Variants in ATOSA observed in about 807,000 individuals in gnomAD.
ATOSA encodes the protein atos homolog A.
the ATOSA span, among the ~76,000 whole-genome samples, chr15:52,653,439 C>T: frequency 6.6e-6 from 1 of 152,056 alleles, no homozygotes; most frequent in South Asian, 2.1e-4. Flanking sequence ...ATCTGATCAC[C>T]GGTTCCATAC....
chr15:52,597,527 A>G, the ATOSA span, among the ~76,000 whole-genome samples: 2 of 152,220 alleles, frequency 1.3e-5, no homozygotes, highest in African/African-American at 4.8e-5. Context: ...ACCCCCTAAG[A>G]GTAAATACTG....
the ATOSA span, among the ~76,000 whole-genome samples, chr15:52,629,059 A>G: frequency 6.6e-6 from 1 of 152,234 alleles, no homozygotes; most frequent in Admixed American, 6.5e-5. Context: ...GAAAGCCTTC[A>G]ATCTATAAGT....
chr15:52,702,321 T>C, the ATOSA span, among the ~76,000 whole-genome samples: 1 of 152,134 alleles, frequency 6.6e-6, no homozygotes, highest in Non-Finnish European at 1.5e-5. Flanking sequence ...ATGTTCATCA[T>C]GGCACTATTC....
the ATOSA span, among the ~76,000 whole-genome samples, chr15:52,590,936 T>C: frequency 6.6e-6 from 1 of 152,244 alleles, no homozygotes; most frequent in Admixed American, 6.5e-5. Context: ...ACCTGATTTA[T>C]ACCCTTGCCA....
the ATOSA span, among the ~76,000 whole-genome samples, chr15:52,645,132 T>C: frequency 6.6e-6 from 1 of 152,200 alleles, no homozygotes. Flanking sequence ...CAGATAAGCC[T>C]AATTCATGGT....
the ATOSA span, chr15:52,611,819 C>G: frequency 2.5e-6 from 4 of 1,576,048 alleles, no homozygotes; most frequent in Non-Finnish European, 3.5e-6. Flanking sequence ...CAAAAACCCA[C>G]CTAATTTTGT....
the ATOSA span, among the ~76,000 whole-genome samples, chr15:52,588,035 G>A: frequency 6.6e-6 from 1 of 152,142 alleles, no homozygotes; most frequent in African/African-American, 2.4e-5. Flanking sequence ...AGCTAAATTA[G>A]GGTCATGTCA....
chr15:52,657,310 G>C, the ATOSA span: 1 of 152,160 alleles, frequency 6.6e-6, no homozygotes, highest in East Asian at 1.9e-4. Context: ...TGACACAGTT[G>C]TATGTGTATT....
chr15:52,588,990 T>TA, the ATOSA span, among the ~76,000 whole-genome samples: 1 of 152,192 alleles, frequency 6.6e-6, no homozygotes, highest in Non-Finnish European at 1.5e-5. Flanking sequence ...AAGGAGTGGA[T>TA]AAAGGTAAAA....
At chr15:52,670,886 A>G in the ATOSA span, among the ~76,000 whole-genome samples, 1 of 152,266 alleles carries the variant, frequency 6.6e-6, no homozygotes, top group South Asian at 2.1e-4. Flanking sequence ...CTTACAGATA[A>G]GTAAACAGGT....
At chr15:52,668,768 C>T in the ATOSA span, among the ~76,000 whole-genome samples, 1 of 152,080 alleles carries the variant, frequency 6.6e-6, no homozygotes, top group Non-Finnish European at 1.5e-5. Context: ...GACAACAAAA[C>T]TCCATGTCTA....
the ATOSA span, among the ~76,000 whole-genome samples, chr15:52,643,270 G>A: frequency 6.6e-6 from 1 of 152,028 alleles, no homozygotes; most frequent in African/African-American, 2.4e-5. Context: ...AAAAATTATA[G>A]CTAGTGACTC....
chr15:52,599,984 T>A, the ATOSA span: 1 of 484,420 alleles, frequency 2.1e-6, no homozygotes, highest in East Asian at 3.4e-5. Context: ...CTTGTGAAAA[T>A]AAAATAAAAA....
At chr15:52,709,514 C>T in the ATOSA span, among the ~76,000 whole-genome samples, 1 of 152,242 alleles carries the variant, frequency 6.6e-6, no homozygotes, top group South Asian at 2.1e-4. Context: ...GACCTTTTAA[C>T]GTAAAATGCA....
the ATOSA span, chr15:52,611,833 T>A: frequency 1.3e-6 from 2 of 1,521,754 alleles, no homozygotes; most frequent in Non-Finnish European, 1.8e-6. Context: ...ATTTTGTGTT[T>A]AAAATAGAAA....
the ATOSA span, among the ~76,000 whole-genome samples, chr15:52,654,502 T>C: frequency 6.6e-6 from 1 of 152,174 alleles, no homozygotes; most frequent in Non-Finnish European, 1.5e-5. Context: ...CTGAATAACA[T>C]GAAATTATAC....
the ATOSA span, among the ~76,000 whole-genome samples, chr15:52,689,424 A>T: frequency 6.6e-6 from 1 of 152,236 alleles, no homozygotes; most frequent in Non-Finnish European, 1.5e-5. Flanking sequence ...AATGAAATCC[A>T]CATAGCAAAG....
the ATOSA span, chr15:52,582,260 C>T: frequency 1.9e-6 from 3 of 1,600,808 alleles, no homozygotes; most frequent in African/African-American, 1.4e-5. Context: ...GAACAGGAGC[C>T]GTACGTCTCT....
the ATOSA span, among the ~76,000 whole-genome samples, chr15:52,703,691 AG>A: frequency 6.8e-6 from 1 of 147,896 alleles, no homozygotes; most frequent in Non-Finnish European, 1.5e-5. Flanking sequence ...GGGGCCTGTT[AG>A]GGGGTGGGGG....
Sources: allele counts gnomAD v4.1 joint callset (sites outside exome capture counted in the v4.1 genomes callset), GRCh38; gene constraint gnomAD v4.1.1; transcripts MANE v1.5; gene names NCBI Gene and HGNC (gene_info 2026-07-23, HGNC 2026-07-21).